The following RBM34 variants were observed in gnomAD, a reference collection of about 807,000 sequenced individuals.
RBM34 encodes the protein RNA-binding protein 34.
RBM34 carries 39 observed loss-of-function variants against 44.6 expected under a neutral mutation model. The ratio of observed to expected loss-of-function variants is 0.87; its 90% CI spans 0.68 to 1.14. The LOEUF (loss-of-function observed/expected upper bound fraction) is 1.14. RBM34 is among the 50% of genes most tolerant of loss of function. The pLI is 0.00. For missense variants in RBM34, 572 were observed against 517.9 expected, an observed-to-expected ratio of 1.10 and a Z score of -1.01; for synonymous variants, 194 against 184.0, an observed-to-expected ratio of 1.05 and a Z score of -0.44.
chr1:235,150,067 GGTTTT>G (rs1413484015), intron 5 of RBM34, among the ~76,000 whole-genome samples: 47 of 152,100 alleles, frequency 3.1e-4, no homozygotes, highest in African/African-American at 9.4e-4. Flanking sequence ...TTATTTGTTT[GGTTTT>G]GTTTTATTTT....
At position 235,152,767 on chromosome 1, in the gene RBM34, T is replaced by C. The variant is rs1163144258; in HGVS notation, c.598-2A>G. ...CTCTTTAAAAAACGACTTCAGCTTC[T>C]AAAATTAAAAAAAAAAATACACATT... On this transcript the variant is annotated splice_acceptor_variant, in intron 4 of 10. Coordinates refer to ENST00000408888, the MANE Select transcript of RBM34 (RefSeq NM_015014.4). LOFTEE classifies it high-confidence loss of function. 1 of 1,559,424 alleles carries C rather than the reference T, an allele frequency of 6.4e-7. No homozygotes were observed. Among genetic ancestry groups the C allele is most frequent in the South Asian group, 1.2e-5 (1 of 82,784 alleles).
intron 10 of RBM34, among the ~76,000 whole-genome samples, chr1:235,133,703 T>C (rs1395493094): frequency 6.6e-6 from 1 of 152,082 alleles, no homozygotes; most frequent in African/African-American, 2.4e-5. Context: ...AAACAACAAA[T>C]AATATGACAA....
At chr1:235,145,371 G>A (rs997890248) in intron 6 of RBM34, among the ~76,000 whole-genome samples, 1 of 151,232 alleles carries the variant, frequency 6.6e-6, no homozygotes, top group Non-Finnish European at 1.5e-5. Flanking sequence ...TCCATTCTCC[G>A]GGCTCAAGTG....
At chr1:235,138,520 CG>C (rs1303696189) in intron 6 of RBM34, among the ~76,000 whole-genome samples, 18 of 152,300 alleles carry the variant, frequency 1.2e-4, no homozygotes, top group African/African-American at 2.9e-4. Flanking sequence ...TTGTGAAAGA[CG>C]TGAGTTTTCC....
At chr1:235,139,757 A>T (rs1339468941) in intron 6 of RBM34, among the ~76,000 whole-genome samples, 1 of 152,242 alleles carries the variant, frequency 6.6e-6, no homozygotes, top group African/African-American at 2.4e-5. Flanking sequence ...GGGGAAAGCC[A>T]GCAGCTAGAA....
intron 8 of RBM34, among the ~76,000 whole-genome samples, chr1:235,137,000 C>T (rs1160423939): frequency 6.6e-6 from 1 of 152,128 alleles, no homozygotes; most frequent in Non-Finnish European, 1.5e-5. Context: ...TTTTTCCCCC[C>T]GCTTCTCCAC....
intron 3 of RBM34, among the ~76,000 whole-genome samples, chr1:235,155,826 T>TATAC (rs1553275302): frequency 1.6e-4 from 2 of 12,404 alleles, no homozygotes; most frequent in East Asian, 2.2e-3. Context: ...CATATACATA[T>TATAC]ATATATATAT....
chr1:235,149,497 G>T (rs1662068981), intron 5 of RBM34, among the ~76,000 whole-genome samples: 1 of 151,728 alleles, frequency 6.6e-6, no homozygotes, highest in Non-Finnish European at 1.5e-5. Context: ...CTGAACTGAT[G>T]AATAATATAA....
chr1:235,156,082 C>G (rs1662430309), intron 3 of RBM34, among the ~76,000 whole-genome samples: 1 of 150,268 alleles, frequency 6.7e-6, no homozygotes, highest in Admixed American at 6.7e-5. Context: ...GTTGGCCAGG[C>G]TGGTCTCGAA....
chr1:235,148,255 G>A (rs1661994045), intron 6 of RBM34, 149 bp downstream of exon 6: 5 of 467,450 alleles, frequency 1.1e-5, no homozygotes, highest in Non-Finnish European at 1.8e-5. Flanking sequence ...CAAATCTAAA[G>A]GCTCTCAAAT....
intron 6 of RBM34, among the ~76,000 whole-genome samples, chr1:235,143,457 C>T (rs755339666): frequency 2.0e-5 from 3 of 152,148 alleles, no homozygotes; most frequent in Non-Finnish European, 4.4e-5. Flanking sequence ...TGAATGGGGC[C>T]GGGTGCGATG....
chr1:235,137,289 T>G (rs1661467318), intron 8 of RBM34, among the ~76,000 whole-genome samples: 1 of 152,246 alleles, frequency 6.6e-6, no homozygotes. Context: ...ATAATTGAAC[T>G]TTCTAGACCT....
intron 5 of RBM34, 142 bp downstream of exon 5, chr1:235,152,564 C>G: frequency 7.1e-7 from 1 of 1,409,856 alleles, no homozygotes. Context: ...ATAGTAAGAG[C>G]AACTCTTTTC....
Position 235,137,890 on chromosome 1 carries a change from G to A in RBM34, c.836C>T (p.Ser279Phe), listed in dbSNP as rs1475289696. The change falls in exon 8 of 11, where the codon TCT becomes TTT. Residue 279 changes from serine to phenylalanine, a missense_variant. By Grantham distance (155) the Ser-to-Phe change is radical. Transcript: ENST00000408888. ...DGFRIRVDLA[S>F]ETSSRDKRSV... ...AGTACTACTTACAGATGAGGTCTCA[G>A]ATGCGAGATCAACTCTAATACGAAA... 3.8e-6 allele frequency: 6 copies of A among 1,598,692 alleles called. No individual in the cohort carries two copies. The highest frequency in any genetic ancestry group is 5.1e-6 in the Non-Finnish European group (6 of 1,168,660).
intron 6 of RBM34, among the ~76,000 whole-genome samples, chr1:235,144,402 G>A (rs1319278484): frequency 6.6e-6 from 1 of 151,406 alleles, no homozygotes; most frequent in Non-Finnish European, 1.5e-5. Flanking sequence ...TTGGTATCTG[G>A]ACTATGGCAG....
chr1:235,143,957 C>G (rs1345668436), intron 6 of RBM34, among the ~76,000 whole-genome samples: 2 of 152,060 alleles, frequency 1.3e-5, no homozygotes, highest in Non-Finnish European at 2.9e-5. Flanking sequence ...GGCAGGAGGG[C>G]TACTTGAGCT....
At chr1:235,156,370 T>C (rs1662442560) in intron 3 of RBM34, among the ~76,000 whole-genome samples, 1 of 152,128 alleles carries the variant, frequency 6.6e-6, no homozygotes, top group African/African-American at 2.4e-5. Flanking sequence ...CAAGTTCATC[T>C]ATACAAAAGC....
chr1:235,143,226 G>C (rs1403005527), intron 6 of RBM34, among the ~76,000 whole-genome samples: 1 of 152,194 alleles, frequency 6.6e-6, no homozygotes, highest in Non-Finnish European at 1.5e-5. Context: ...TGGTGAGGAT[G>C]TGAAGCAACT....
At chr1:235,142,584 A>G (rs1661732611) in intron 6 of RBM34, among the ~76,000 whole-genome samples, 1 of 152,022 alleles carries the variant, frequency 6.6e-6, no homozygotes, top group Admixed American at 6.6e-5. Context: ...GGCCAACAAC[A>G]GCACTCTCTA....
Sources: allele counts gnomAD v4.1 joint callset (sites outside exome capture counted in the v4.1 genomes callset), GRCh38; gene constraint gnomAD v4.1.1; transcripts MANE v1.5; gene names NCBI Gene and HGNC (gene_info 2026-07-23, HGNC 2026-07-21).